The following RFX7 variants were observed in gnomAD, a reference collection of about 807,000 sequenced individuals.
RFX7 encodes DNA-binding protein RFX7.
RFX7 carries 26 observed loss-of-function variants against 111.8 expected under a neutral mutation model. The ratio of observed to expected loss-of-function variants is 0.23; its 90% CI spans 0.17 to 0.32. RFX7 has a LOEUF of 0.32. Among genes scored for constraint, RFX7 ranks in the 10% least tolerant of loss-of-function variants. RFX7 has a pLI of 1.00. For missense variants in RFX7, 1,573 were observed against 1,772.9 expected (o/e 0.89, Z 2.02); for synonymous variants, 624 against 624.4 (o/e 1.00, Z 0.01).
intron 5 of RFX7, among the ~76,000 whole-genome samples, chr15:56,133,408 T>C (rs2042244876): frequency 6.6e-6 from 1 of 152,050 alleles, no homozygotes; most frequent in Admixed American, 6.6e-5. Flanking sequence ...TTGACACAAA[T>C]ACATCTAAAT....
intron 2 of RFX7, among the ~76,000 whole-genome samples, chr15:56,240,198 A>G (rs781075384): frequency 1.7e-4 from 26 of 152,010 alleles, no homozygotes; most frequent in Non-Finnish European, 3.2e-4. Flanking sequence ...ACTAAAGCAC[A>G]TGCCTACTAA....
At chr15:56,184,199 T>TTA (rs2043011178) in intron 2 of RFX7, among the ~76,000 whole-genome samples, 1 of 141,210 alleles carries the variant, frequency 7.1e-6, no homozygotes, top group Non-Finnish European at 1.5e-5. Context: ...TTGTATTTTT[T>TTA]TTTTTTTTTT....
chr15:56,143,444 C>T (rs1156940542), intron 4 of RFX7, among the ~76,000 whole-genome samples: 1 of 151,862 alleles, frequency 6.6e-6, no homozygotes, highest in Non-Finnish European at 1.5e-5. Context: ...GAATTTGCAC[C>T]AGAGAGATCC....
intron 3 of RFX7, among the ~76,000 whole-genome samples, chr15:56,152,563 G>A (rs1015098491): frequency 6.6e-6 from 1 of 152,046 alleles, no homozygotes. Flanking sequence ...GTGTTTAGAG[G>A]GAAATTTATA....
chr15:56,243,171 C>G lies in RFX7; in HGVS notation c.115G>C (p.Gly39Arg). 7.4e-7 allele frequency: 1 copy of G among 1,357,962 alleles called. No individual in the cohort carries two copies. The highest frequency in any genetic ancestry group is 9.8e-7 in the Non-Finnish European group (1 of 1,017,972). The allele number at this position is 1,357,962 out of a possible 1,614,324, so 84.1% of individuals were successfully genotyped here. A position where few individuals can be genotyped will look rare whatever the true frequency, so the allele number is the denominator to read the frequency against. Reference sequence around the variant, plus strand: ...TGTTGCAGCGCGCTGGCCTCTGTCCCTGGCAGCCCGGGCACAAGGGCTGGC... The same window carrying G: ...TGTTGCAGCGCGCTGGCCTCTGTCCGTGGCAGCCCGGGCACAAGGGCTGGC... ...ALPALVPGLPGTEASALQHKI... is the reference protein window; with the variant it reads ...ALPALVPGLPRTEASALQHKI... Residue 39 changes from glycine to arginine, a missense_variant, in exon 2 of 10, where the codon GGG (glycine) becomes CGG (arginine). Physicochemically the swap from Gly to Arg is moderately radical, Grantham distance 125. Coordinates refer to ENST00000559447, the MANE Select transcript of RFX7 (RefSeq NM_022841.7).
intron 3 of RFX7, among the ~76,000 whole-genome samples, chr15:56,156,537 T>G (rs1426934997): frequency 6.6e-6 from 1 of 152,100 alleles, no homozygotes; most frequent in African/African-American, 2.4e-5. Context: ...ATGGAAATCC[T>G]TTATTTGTGA....
intron 3 of RFX7, among the ~76,000 whole-genome samples, chr15:56,162,906 A>G (rs2042739814): frequency 6.6e-6 from 1 of 152,106 alleles, no homozygotes; most frequent in African/African-American, 2.4e-5. Flanking sequence ...TTCTCCACTA[A>G]GTGAATAGAA....
intron 3 of RFX7, among the ~76,000 whole-genome samples, chr15:56,163,273 G>A (rs1299527570): frequency 6.6e-6 from 1 of 152,042 alleles, no homozygotes; most frequent in Non-Finnish European, 1.5e-5. Flanking sequence ...GAAAGTAATT[G>A]TTAAGAATTA....
intron 2 of RFX7, among the ~76,000 whole-genome samples, chr15:56,181,760 T>C (rs1480395806): frequency 2.0e-5 from 3 of 152,166 alleles, no homozygotes; most frequent in South Asian, 2.1e-4. Flanking sequence ...GATGGTTCTA[T>C]CCACCTATCA....
chr15:56,196,222 T>G (rs1003226836), intron 2 of RFX7, among the ~76,000 whole-genome samples: 9 of 152,074 alleles, frequency 5.9e-5, no homozygotes, highest in Admixed American at 4.6e-4. Flanking sequence ...AAACTTCAAC[T>G]TTTTCCTTTT....
chr15:56,230,406 T>C lies in RFX7; in HGVS notation c.161+12719A>G, dbSNP rs181722092. 3.7e-4 allele frequency among the ~76,000 whole-genome samples: 56 copies of C among 152,352 alleles called. 1 individual carries two copies. In the East Asian group the frequency reaches 9.6e-3, roughly 26 times the overall value. On this transcript the variant is annotated intron_variant, in intron 2 of 9. Coordinates refer to ENST00000559447, the MANE Select transcript of RFX7 (RefSeq NM_022841.7). ...CAAATGATTACTTCAGTTTCACAAA[T>C]GCAATTTTTAAAAGTATCAATTGCT...
At chr15:56,173,559 T>A (rs1203588198) in intron 3 of RFX7, among the ~76,000 whole-genome samples, 7 of 152,168 alleles carry the variant, frequency 4.6e-5, no homozygotes, top group African/African-American at 1.4e-4. Flanking sequence ...GGCAAGTGGA[T>A]CAGATGAGGT....
intron 5 of RFX7, among the ~76,000 whole-genome samples, chr15:56,112,379 C>CAAAAAAT (rs2041950346): frequency 1.4e-5 from 1 of 71,768 alleles, no homozygotes; most frequent in South Asian, 6.3e-4. Context: ...GAGTACAAAT[C>CAAAAAAT]AAAAAAAAAA....
chr15:56,124,090 G>A (rs2042111565), intron 5 of RFX7, among the ~76,000 whole-genome samples: 1 of 152,120 alleles, frequency 6.6e-6, no homozygotes, highest in Non-Finnish European at 1.5e-5. Flanking sequence ...GATCAGTGGA[G>A]GCTTCTATTT....
At chr15:56,191,764 G>A (rs1370353100) in intron 2 of RFX7, among the ~76,000 whole-genome samples, 1 of 152,064 alleles carries the variant, frequency 6.6e-6, no homozygotes, top group Non-Finnish European at 1.5e-5. Flanking sequence ...ACCTCTTACT[G>A]CAAACCAAGC....
chr15:56,196,689 A>G (rs899188238), intron 2 of RFX7, among the ~76,000 whole-genome samples: 8 of 152,138 alleles, frequency 5.3e-5, no homozygotes, highest in Non-Finnish European at 1.5e-5. Flanking sequence ...AACTGGTAAA[A>G]ATAAAATAAA....
chr15:56,220,309 C>T (rs1170234316), intron 2 of RFX7, among the ~76,000 whole-genome samples: 1 of 152,148 alleles, frequency 6.6e-6, no homozygotes, highest in Admixed American at 6.5e-5. Context: ...CGGCTCACTG[C>T]AACCTCTGCC....
intron 3 of RFX7, among the ~76,000 whole-genome samples, chr15:56,156,987 C>T (rs1370408564): frequency 3.9e-5 from 6 of 152,172 alleles, no homozygotes. Context: ...TAACAAGCAC[C>T]TAGGAGATGC....
intron 3 of RFX7, among the ~76,000 whole-genome samples, chr15:56,174,782 TA>T (rs1328284761): frequency 6.7e-6 from 1 of 149,180 alleles, no homozygotes; most frequent in Non-Finnish European, 1.5e-5. Flanking sequence ...ACTATGATTT[TA>T]AAAAAAAAAC....
Sources: allele counts gnomAD v4.1 joint callset (sites outside exome capture counted in the v4.1 genomes callset), GRCh38; gene constraint gnomAD v4.1.1; transcripts MANE v1.5; gene names NCBI Gene and HGNC (gene_info 2026-07-23, HGNC 2026-07-21).